The following PITPNC1 variants were observed in gnomAD, a reference collection of about 807,000 sequenced individuals.
The protein encoded by PITPNC1 is phosphatidylinositol transfer protein cytoplasmic 1.
In PITPNC1, 18 loss-of-function variants were observed where a neutral mutation model predicts 44.7. The observed-to-expected ratio is 0.40, with a 90% CI of 0.28 to 0.60. The LOEUF (loss-of-function observed/expected upper bound fraction) is 0.60. Among genes scored for constraint, PITPNC1 ranks in the 20% least tolerant of loss-of-function variants. PITPNC1 has a pLI of 0.39. For synonymous variants in PITPNC1, 141 were observed against 149.6 expected (o/e 0.94, Z 0.42); for missense variants, 290 against 418.4 (o/e 0.69, Z 2.68).
chr17:67,424,513 T>C (rs2038716232), intron 1 of PITPNC1, among the ~76,000 whole-genome samples: 1 of 151,774 alleles, frequency 6.6e-6, no homozygotes, highest in African/African-American at 2.4e-5. Context: ...AAGAATTAGC[T>C]GGGCGTGGTG....
intron 1 of PITPNC1, among the ~76,000 whole-genome samples, chr17:67,409,040 ATATGG>A (rs2038449388): frequency 7.2e-6 from 1 of 138,192 alleles, no homozygotes; most frequent in South Asian, 2.4e-4. Context: ...TAATTTTTGC[ATATGG>A]TGTGGGGTAG....
At chr17:67,385,502 G>A (rs904430458) in intron 1 of PITPNC1, among the ~76,000 whole-genome samples, 3 of 148,300 alleles carry the variant, frequency 2.0e-5, no homozygotes, top group African/African-American at 7.5e-5. Flanking sequence ...CTCCCCCCAG[G>A]CACCTTCCAG....
rs2642031 is a variant in PITPNC1 at position 67,608,996 on chromosome 17, T to C, written c.367-23147T>C. On this transcript the variant is annotated intron_variant, in intron 5 of 8. Coordinates refer to ENST00000581322, the MANE Select transcript of PITPNC1 (RefSeq NM_012417.4). Reference sequence around the variant, plus strand: ...CAGAATATCCTTTCCCCAACATGCATGGCTTCCCTGTGATTTTATTTATTT... The same window carrying C: ...CAGAATATCCTTTCCCCAACATGCACGGCTTCCCTGTGATTTTATTTATTT... Among the ~76,000 whole-genome samples the C allele has an allele frequency of 2.0e-3, 298 of 151,964 alleles. 2 individuals are homozygous for C. Among genetic ancestry groups the C allele is most frequent in the African/African-American group, 7.0e-3 (291 of 41,498 alleles).
chr17:67,583,897 T>TTG (rs140251630), intron 5 of PITPNC1, among the ~76,000 whole-genome samples: 5 of 106,390 alleles, frequency 4.7e-5, no homozygotes, highest in African/African-American at 1.4e-4. Context: ...GTGTGTGTGT[T>TTG]TGTGTGTGTG....
intron 4 of PITPNC1, among the ~76,000 whole-genome samples, chr17:67,569,189 G>T (rs3760215): frequency 0.41 from 61,970 of 151,902 alleles, 13,008 homozygotes; most frequent in East Asian, 0.51. Context: ...ACTTTGGTTT[G>T]CTTACATTTC....
intron 6 of PITPNC1, among the ~76,000 whole-genome samples, chr17:67,634,306 G>A (rs375479216): frequency 6.6e-6 from 1 of 152,172 alleles, no homozygotes; most frequent in East Asian, 1.9e-4. Context: ...TCTGGGCATG[G>A]TGCCTCACGC....
chr17:67,554,517 C>T (rs975157491), intron 4 of PITPNC1, among the ~76,000 whole-genome samples: 5 of 152,110 alleles, frequency 3.3e-5, no homozygotes, highest in African/African-American at 1.2e-4. Flanking sequence ...CTTGGCTTCC[C>T]AAAGTGTTGG....
chr17:67,461,487 GTCTT>G (rs1455446767), intron 1 of PITPNC1, among the ~76,000 whole-genome samples: 1 of 152,214 alleles, frequency 6.6e-6, no homozygotes, highest in Non-Finnish European at 1.5e-5. Context: ...CACAGGATGT[GTCTT>G]TCTTGTTTTT....
At chr17:67,554,183 G>T (rs1299612235) in intron 4 of PITPNC1, among the ~76,000 whole-genome samples, 2 of 151,514 alleles carry the variant, frequency 1.3e-5, no homozygotes, top group African/African-American at 4.9e-5. Flanking sequence ...TTGTGTTGTG[G>T]TATTTTCATT....
At chr17:67,554,868 C>T (rs1432064974) in intron 4 of PITPNC1, among the ~76,000 whole-genome samples, 1 of 152,202 alleles carries the variant, frequency 6.6e-6, no homozygotes, top group Non-Finnish European at 1.5e-5. Context: ...TTCTTGAATT[C>T]ACACTGGTCC....
chr17:67,591,059 A>G (rs2041385497), intron 5 of PITPNC1, among the ~76,000 whole-genome samples: 1 of 152,252 alleles, frequency 6.6e-6, no homozygotes, highest in Admixed American at 6.5e-5. Context: ...GGAACAAACT[A>G]GCATCAGAAA....
At chr17:67,579,579 C>T (rs1052214215) in intron 5 of PITPNC1, among the ~76,000 whole-genome samples, 6 of 150,816 alleles carry the variant, frequency 4.0e-5, no homozygotes, top group African/African-American at 7.3e-5. Flanking sequence ...AACAGTGTCA[C>T]ACTGTGTTTC....
At chr17:67,441,283 C>T (rs975415042) in intron 1 of PITPNC1, among the ~76,000 whole-genome samples, 9 of 150,204 alleles carry the variant, frequency 6.0e-5, no homozygotes, top group African/African-American at 2.2e-4. Context: ...TTAAGCCCCC[C>T]CCCGCCACCC....
At chr17:67,391,771 G>A (rs1002617337) in intron 1 of PITPNC1, among the ~76,000 whole-genome samples, 1 of 152,016 alleles carries the variant, frequency 6.6e-6, no homozygotes, top group Non-Finnish European at 1.5e-5. Flanking sequence ...GTGAGCCACC[G>A]CACCGGGCCA....
At chr17:67,620,175 T>C (rs1035858269) in intron 5 of PITPNC1, among the ~76,000 whole-genome samples, 3 of 152,108 alleles carry the variant, frequency 2.0e-5, no homozygotes, top group Non-Finnish European at 4.4e-5. Context: ...TGCCTCAGCC[T>C]CCCAAGTAGC....
chr17:67,527,501 G>A (rs769159800), intron 1 of PITPNC1, among the ~76,000 whole-genome samples: 4 of 151,208 alleles, frequency 2.6e-5, no homozygotes, highest in Non-Finnish European at 5.9e-5. Flanking sequence ...TCAGGAGTTC[G>A]AGACCAGCCT....
At chr17:67,429,266 C>G (rs1329811640) in intron 1 of PITPNC1, among the ~76,000 whole-genome samples, 4 of 152,124 alleles carry the variant, frequency 2.6e-5, no homozygotes, top group African/African-American at 9.7e-5. Flanking sequence ...ATTTCATGAA[C>G]CACTGATGGG....
rs181500895 is a variant in PITPNC1 at position 67,585,375 on chromosome 17, G to A, written c.366+7118G>A. ...ATGTTCCCCCACCCCAGGTTCATAC[G>A]TGGAAGCTTTAGAATGTGACTGTGC... is the stretch of plus-strand genomic sequence containing the variant. On this transcript the variant is annotated intron_variant, in intron 5 of 8. Transcript: ENST00000581322. Among the ~76,000 whole-genome samples, 176 of 152,234 alleles carry A rather than the reference G, an allele frequency of 1.2e-3. 1 individual carries two copies. In the Middle Eastern group the frequency reaches 0.014, roughly 12 times the overall value.
chr17:67,559,823 C>T (rs554207438), intron 4 of PITPNC1, among the ~76,000 whole-genome samples: 3 of 152,146 alleles, frequency 2.0e-5, no homozygotes, highest in South Asian at 2.1e-4. Flanking sequence ...TGCAGTGAGC[C>T]GGGATCATGC....
Sources: gnomAD v4.1 joint callset for allele counts (sites outside exome capture counted in the v4.1 genomes callset) on GRCh38, gnomAD v4.1.1 for gene constraint, MANE v1.5 for transcripts, NCBI Gene and HGNC (gene_info 2026-07-23, HGNC 2026-07-21) for gene names.